The following PCBP3 variants were observed in gnomAD, a reference collection of about 807,000 sequenced individuals.
PCBP3 encodes the protein poly(rC)-binding protein 3.
PCBP3 carries 25 observed loss-of-function variants against 52.7 expected under a neutral mutation model. The ratio of observed to expected loss-of-function variants is 0.47; its 90% CI spans 0.35 to 0.66. The LOEUF is 0.66. Among genes scored for constraint, PCBP3 ranks in the 30% least tolerant of loss-of-function variants. The probability of loss-of-function intolerance (pLI) is 0.01; values close to 1 mark genes in which losing one functional copy is unlikely to be tolerated. For missense variants in PCBP3, 391 were observed against 490.3 expected (o/e 0.80, Z 1.91); for synonymous variants, 162 against 183.0 (o/e 0.89, Z 0.93).
Position 45,837,831 on chromosome 21 carries a change from C to T in PCBP3, c.-125-12130C>T, listed in dbSNP as rs761485246. Among the ~76,000 whole-genome samples, 4 of 152,338 alleles carry T rather than the reference C, an allele frequency of 2.6e-5. No individual in the cohort carries two copies. Among genetic ancestry groups the T allele is most frequent in the East Asian group, 1.9e-4 (1 of 5,184 alleles). The stretch of plus-strand genomic sequence containing the variant: ...TTGAGCTTAGGGGGTCAGCCTGATC[C>T]GCCACTGCTGGGTTCCCCACCAGCC... On this transcript the variant is annotated intron_variant, in intron 4 of 17. Transcript: ENST00000681687. This position sits in a 1 kb window ranked among gnomAD's most constrained non-coding sequence, Gnocchi z 4.1.
At chr21:45,885,722 G>T (rs1295788090) in intron 5 of PCBP3, among the ~76,000 whole-genome samples, 5 of 152,000 alleles carry the variant, frequency 3.3e-5, no homozygotes, top group African/African-American at 1.2e-4. Context: ...TCTCCCATTA[G>T]CTTGGTGGGA....
intron 3 of PCBP3, among the ~76,000 whole-genome samples, chr21:45,744,651 A>C (rs1483259384): frequency 6.6e-6 from 1 of 152,122 alleles, no homozygotes; most frequent in Non-Finnish European, 1.5e-5. Flanking sequence ...TTTAGCATAC[A>C]TTATAATTAT....
At chr21:45,826,258 CAAA>C (rs10679763) in intron 4 of PCBP3, among the ~76,000 whole-genome samples, 1 of 129,900 alleles carries the variant, frequency 7.7e-6, no homozygotes, top group African/African-American at 2.8e-5. Context: ...AACTCTGTCT[CAAA>C]AAAAAAAAAA....
At chr21:45,924,233 T>C (rs78414408) in intron 13 of PCBP3, among the ~76,000 whole-genome samples, 3,994 of 100,592 alleles carry the variant, frequency 0.04, 12 homozygotes, top group Non-Finnish European at 0.06. Flanking sequence ...ATGTGAACAC[T>C]GGGAACAGTC....
intron 2 of PCBP3, among the ~76,000 whole-genome samples, chr21:45,671,199 A>G (rs2081150272): frequency 6.6e-6 from 1 of 152,110 alleles, no homozygotes; most frequent in African/African-American, 2.4e-5. Context: ...TTCTTTATGA[A>G]CAGTTAGTTA....
At position 45,928,408 on chromosome 21, in the gene PCBP3, C is replaced by T. The variant is rs2075762760; in HGVS notation, c.718-1509C>T. Among the ~76,000 whole-genome samples, 1 of 152,192 alleles carries T rather than the reference C, an allele frequency of 6.6e-6. No homozygotes were observed. The highest frequency in any genetic ancestry group is 2.4e-5 in the African/African-American group (1 of 41,458). On this transcript the variant is annotated intron_variant, in intron 13 of 17. Transcript: ENST00000681687. This position sits in a 1 kb window ranked among gnomAD's most constrained non-coding sequence, Gnocchi z 4.1. ...GCTGGGGAGCAGGCCCCCCGATCCT[C>T]CCAGGGTACTAGGTACTGAGGAAGG... is the stretch of plus-strand genomic sequence containing the variant.
chr21:45,839,827 C>A (rs573450609), intron 4 of PCBP3, among the ~76,000 whole-genome samples: 1 of 152,086 alleles, frequency 6.6e-6, no homozygotes, highest in East Asian at 2.0e-4. Flanking sequence ...GCTGGGATTG[C>A]AGGCGCCCGC....
At chr21:45,730,651 A>G (rs1394935041) in intron 2 of PCBP3, among the ~76,000 whole-genome samples, 1 of 152,160 alleles carries the variant, frequency 6.6e-6, no homozygotes, top group African/African-American at 2.4e-5. Flanking sequence ...AGCTTCCATT[A>G]TAATTGTGGA....
At chr21:45,666,489 CTTTAA>C (rs2080804810) in intron 1 of PCBP3, among the ~76,000 whole-genome samples, 1 of 152,012 alleles carries the variant, frequency 6.6e-6, no homozygotes, top group Non-Finnish European at 1.5e-5. Context: ...ATCTAGTGTC[CTTTAA>C]TTTAAGCCTG....
intron 1 of PCBP3, among the ~76,000 whole-genome samples, chr21:45,651,885 G>C (rs912795392): frequency 5.3e-5 from 8 of 152,192 alleles, no homozygotes; most frequent in Non-Finnish European, 2.9e-5. Context: ...GGATAGGACA[G>C]AACTATTGAT....
intron 2 of PCBP3, among the ~76,000 whole-genome samples, chr21:45,673,308 A>G (rs2081282458): frequency 6.6e-6 from 1 of 152,226 alleles, no homozygotes; most frequent in Non-Finnish European, 1.5e-5. Context: ...TTTTCTAAGC[A>G]GACGTCACAA....
intron 4 of PCBP3, among the ~76,000 whole-genome samples, chr21:45,838,365 G>T (rs531686342): frequency 3.3e-5 from 5 of 151,976 alleles, no homozygotes; most frequent in Non-Finnish European, 7.4e-5. Flanking sequence ...AGACCACCTG[G>T]AATCAAACTC....
chr21:45,804,117 G>A (rs4818799), intron 4 of PCBP3, among the ~76,000 whole-genome samples: 74,176 of 151,984 alleles, frequency 0.49, 19,009 homozygotes, highest in African/African-American at 0.63. Context: ...GCCTGCTGCC[G>A]CGCCTCCCTC....
At chr21:45,881,127 G>A (rs982645018) in intron 5 of PCBP3, among the ~76,000 whole-genome samples, 3 of 152,140 alleles carry the variant, frequency 2.0e-5, no homozygotes, top group East Asian at 3.9e-4. Context: ...AATTTTTATC[G>A]TGAGTTGGTA....
chr21:45,896,249 C>G lies in PCBP3; in HGVS notation c.52C>G (p.Leu18Val), dbSNP rs997802061. 8 of 1,552,082 alleles carry G rather than the reference C, an allele frequency of 5.2e-6. No homozygotes were observed. Among genetic ancestry groups the G allele is most frequent in the Non-Finnish European group, 7.0e-6 (8 of 1,147,114 alleles). Residue 18 changes from leucine to valine, a missense_variant, in exon 6 of 18, where the codon CTC becomes GTC. Physicochemically the swap from Leu to Val is conservative, Grantham distance 32 (BLOSUM62 1). Transcript: ENST00000681687. ...CCCATCTGTCCTTCCTCACAGCACCCTCAGCACCTTAAGCCACCACCCTCA... is the reference window on the plus strand; with the variant it reads ...CCCATCTGTCCTTCCTCACAGCACCGTCAGCACCTTAAGCCACCACCCTCA... ...WAPSVLPHST[L>V]STLSHHPQPQ...
chr21:45,819,660 A>G (rs1244087688), intron 4 of PCBP3, among the ~76,000 whole-genome samples: 1 of 152,214 alleles, frequency 6.6e-6, no homozygotes, highest in Non-Finnish European at 1.5e-5. Flanking sequence ...CCCAGGTGCT[A>G]TCTTGGCTGA....
rs374299463 is a variant in PCBP3, at chr21:45,917,626, G to A, written c.714G>A (p.Pro238=). ...AGGGACAGTATGCCATCCCTCACCC[G>A]GATGTGAGTCTTCACTTTGTCTTCC... The part of the protein sequence containing the change: ...TIQGQYAIPH[P]DQLTKLHQLA... Residue 238 remains proline (P), a synonymous_variant, in exon 13 of 18, where the codon CCG becomes CCA. Coordinates refer to ENST00000681687, the MANE Select transcript of PCBP3 (RefSeq NM_001384156.1). The surrounding 1 kb of genome is among the most constrained non-coding windows in gnomAD (Gnocchi z 5.3). 5.9e-5 allele frequency: 95 copies of A among 1,611,560 alleles called. No individual in the cohort carries two copies. Among genetic ancestry groups the A allele is most frequent in the Admixed American group, 1.0e-4 (6 of 59,988 alleles).
At chr21:45,678,571 G>T (rs1288889094) in intron 2 of PCBP3, among the ~76,000 whole-genome samples, 1 of 151,294 alleles carries the variant, frequency 6.6e-6, no homozygotes, top group Non-Finnish European at 1.5e-5. Flanking sequence ...CACTGCAGAT[G>T]TGGTGAAAAC....
intron 3 of PCBP3, among the ~76,000 whole-genome samples, chr21:45,742,533 G>A (rs1369481188): frequency 1.3e-5 from 2 of 152,166 alleles, no homozygotes; most frequent in Non-Finnish European, 2.9e-5. Flanking sequence ...CTGATCTGTA[G>A]CATTTTGGGT....
Sources: allele counts gnomAD v4.1 joint callset (sites outside exome capture counted in the v4.1 genomes callset), GRCh38; gene constraint gnomAD v4.1.1; non-coding constraint Gnocchi (gnomAD v3.1); transcripts MANE v1.5; gene names NCBI Gene and HGNC (gene_info 2026-07-23, HGNC 2026-07-21).